Variants in GRM5 observed in about 807,000 individuals in gnomAD.
GRM5 encodes the protein glutamate metabotropic receptor 5, also known as metabotropic glutamate receptor 5.
Under a neutral mutation model 83.1 loss-of-function variants are expected in GRM5, and 19 were observed. That is an observed-to-expected ratio of 0.23 (90% CI 0.16 to 0.34). The LOEUF (loss-of-function observed/expected upper bound fraction) is 0.34, where lower values mean the gene tolerates loss of function less well. Among genes scored for constraint, GRM5 ranks in the 10% least tolerant of loss-of-function variants. The pLI is 1.00. For missense variants in GRM5, 1,160 were observed against 1,588.3 expected, an observed-to-expected ratio of 0.73 and a Z score of 4.58; for synonymous variants, 675 against 633.6, an observed-to-expected ratio of 1.07 and a Z score of -0.98.
intron 2 of GRM5, among the ~76,000 whole-genome samples, chr11:88,991,218 A>G (rs1242847962): frequency 1.3e-5 from 2 of 152,132 alleles, no homozygotes; most frequent in Admixed American, 6.5e-5. Context: ...ATACACCAAC[A>G]ACAGACAAAC....
intron 3 of GRM5, among the ~76,000 whole-genome samples, chr11:88,741,776 G>A (rs1200553685): frequency 6.6e-6 from 1 of 151,970 alleles, no homozygotes; most frequent in Non-Finnish European, 1.5e-5. Flanking sequence ...GAGCGCACAT[G>A]GAAAGCAGTA....
intron 6 of GRM5, among the ~76,000 whole-genome samples, chr11:88,592,186 G>A (rs1937655444): frequency 6.6e-6 from 1 of 152,140 alleles, no homozygotes; most frequent in Admixed American, 6.6e-5. Context: ...AAGTAGTTGT[G>A]CAGCCTTGAG....
At chr11:88,769,391 G>C (rs566348500) in intron 3 of GRM5, among the ~76,000 whole-genome samples, 3 of 151,994 alleles carry the variant, frequency 2.0e-5, no homozygotes, top group South Asian at 2.1e-4. Flanking sequence ...CAACTGTTAA[G>C]TGTCTAAAAG....
intron 3 of GRM5, among the ~76,000 whole-genome samples, chr11:88,818,151 A>G (rs1490562691): frequency 3.3e-5 from 5 of 152,138 alleles, no homozygotes; most frequent in Admixed American, 3.3e-4. Flanking sequence ...AATAAAAATG[A>G]ATGAACTGGC....
At chr11:88,516,619 G>T (rs868535614) in intron 9 of GRM5, among the ~76,000 whole-genome samples, 1 of 152,144 alleles carries the variant, frequency 6.6e-6, no homozygotes, top group South Asian at 2.1e-4. Flanking sequence ...TGTACGAAGG[G>T]GATGTTAGTT....
intron 2 of GRM5, among the ~76,000 whole-genome samples, chr11:88,937,230 A>G (rs942781979): frequency 2.0e-5 from 3 of 151,736 alleles, no homozygotes; most frequent in African/African-American, 7.2e-5. Context: ...TGGATAAAAC[A>G]TGCTACCACA....
intron 3 of GRM5, among the ~76,000 whole-genome samples, chr11:88,678,208 GC>G (rs1940386190): frequency 6.6e-6 from 1 of 151,920 alleles, no homozygotes; most frequent in Middle Eastern, 3.2e-3. Context: ...TCAGAGGTGT[GC>G]CACCATGTTC....
At chr11:89,057,836 T>C (rs1941909861) in intron 1 of GRM5, among the ~76,000 whole-genome samples, 1 of 152,156 alleles carries the variant, frequency 6.6e-6, no homozygotes, top group Non-Finnish European at 1.5e-5. Context: ...TATTAATACA[T>C]AATATTTATA....
chr11:88,591,738 T>G (rs1937644190), intron 6 of GRM5, among the ~76,000 whole-genome samples: 1 of 152,178 alleles, frequency 6.6e-6, no homozygotes, highest in African/African-American at 2.4e-5. Context: ...TGTTGACTCT[T>G]AAAACTACAA....
At chr11:88,990,902 T>C (rs545434921) in intron 2 of GRM5, among the ~76,000 whole-genome samples, 101 of 152,148 alleles carry the variant, frequency 6.6e-4, no homozygotes, top group Middle Eastern at 3.4e-3. Flanking sequence ...CCACAGCCAA[T>C]ATCGTACTGA....
chr11:88,722,223 T>C (rs1234049629), intron 3 of GRM5, among the ~76,000 whole-genome samples: 1 of 152,122 alleles, frequency 6.6e-6, no homozygotes, highest in Non-Finnish European at 1.5e-5. Context: ...GAGGGTGGAA[T>C]AGCAGAATTA....
At chr11:88,762,421 T>G (rs1264442721) in intron 3 of GRM5, among the ~76,000 whole-genome samples, 1 of 151,788 alleles carries the variant, frequency 6.6e-6, no homozygotes, top group Non-Finnish European at 1.5e-5. Context: ...CCAACAAGCA[T>G]AAGAAAAAAC....
At chr11:88,610,628 T>C (rs1231584035) in intron 4 of GRM5, among the ~76,000 whole-genome samples, 1 of 152,176 alleles carries the variant, frequency 6.6e-6, no homozygotes, top group African/African-American at 2.4e-5. Context: ...GTGCAATCTA[T>C]GGGGTTTTCT....
At chr11:88,524,358 C>T (rs1211567286) in intron 9 of GRM5, among the ~76,000 whole-genome samples, 3 of 151,920 alleles carry the variant, frequency 2.0e-5, no homozygotes, top group Middle Eastern at 3.4e-3. Context: ...GCTGGAATTA[C>T]AAGCGTGTGC....
chr11:88,611,529 A>G (rs1938316604), intron 4 of GRM5, among the ~76,000 whole-genome samples: 1 of 152,066 alleles, frequency 6.6e-6, no homozygotes. Context: ...GTCTCTGAGG[A>G]TATTTTGTAT....
chr11:88,541,766 A>C (rs1045752191), intron 8 of GRM5, among the ~76,000 whole-genome samples: 1 of 152,178 alleles, frequency 6.6e-6, no homozygotes, highest in East Asian at 1.9e-4. Flanking sequence ...ATTTAATTTC[A>C]CTAAGACACT....
chr11:88,630,028 T>G (rs1938919349), intron 4 of GRM5, among the ~76,000 whole-genome samples: 1 of 152,054 alleles, frequency 6.6e-6, no homozygotes, highest in African/African-American at 2.4e-5. Context: ...TTCCCACACC[T>G]CTCCAGGCTT....
intron 3 of GRM5, among the ~76,000 whole-genome samples, chr11:88,806,841 T>C (rs188988921): frequency 2.8e-4 from 43 of 152,290 alleles, no homozygotes; most frequent in Non-Finnish European, 2.8e-4. Flanking sequence ...AATACACTAA[T>C]TGATCCCCAG....
At chr11:88,960,944 T>C (rs1211449711) in intron 2 of GRM5, among the ~76,000 whole-genome samples, 4 of 152,164 alleles carry the variant, frequency 2.6e-5, no homozygotes, top group Non-Finnish European at 5.9e-5. Flanking sequence ...ACTCCCATGA[T>C]ATTGATAAGA....
Sources: allele counts gnomAD v4.1 joint callset (sites outside exome capture counted in the v4.1 genomes callset), GRCh38; gene constraint gnomAD v4.1.1; transcripts MANE v1.5; gene names NCBI Gene and HGNC (gene_info 2026-07-23, HGNC 2026-07-21).